PRKAR1A: variants seen among roughly 807,000 people sequenced by gnomAD.
PRKAR1A encodes protein kinase cAMP-dependent type I regulatory subunit alpha, also known as cAMP-dependent protein kinase type I-alpha regulatory subunit.
PRKAR1A carries 3 observed loss-of-function variants against 52.0 expected under a neutral mutation model. The ratio of observed to expected loss-of-function variants is 0.06; its 90% confidence interval spans 0.03 to 0.15. The LOEUF (loss-of-function observed/expected upper bound fraction) is 0.15. Ranked by LOEUF, PRKAR1A falls within the 10% of genes least tolerant of loss-of-function variation. PRKAR1A has a pLI of 1.00. For missense variants in PRKAR1A, 240 were observed against 477.4 expected, an observed-to-expected ratio of 0.50 and a Z score of 4.63; for synonymous variants, 188 against 168.4, an observed-to-expected ratio of 1.12 and a Z score of -0.90.
chr17:68,529,935 C>T lies in PRKAR1A; in HGVS notation c.907C>T (p.Leu303=). 1.9e-6 allele frequency: 3 copies of T among 1,614,032 alleles called. No homozygotes were observed. The highest frequency in any genetic ancestry group is 2.5e-6 in the Non-Finnish European group (3 of 1,179,942). ...TTTATTATAGGGGTCAGCTGCTGTG[C>T]TACAACGTCGGTCAGAAAATGAAGA... ...FIILEGSAAV[L]QRRSENEEFV... Residue 303 remains leucine (L), a synonymous_variant, in exon 10 of 11, where the codon CTA becomes TTA. Transcript: ENST00000589228.
upstream of PRKAR1A, among the ~76,000 whole-genome samples, chr17:68,507,637 CTTAAA>C (rs1006769302): frequency 5.3e-5 from 8 of 151,940 alleles, no homozygotes; most frequent in African/African-American, 9.7e-5. Flanking sequence ...GTATCCCGAA[CTTAAA>C]TTAAATTAAA....
the PRKAR1A span, among the ~76,000 whole-genome samples, chr17:68,480,808 C>T: frequency 4.6e-5 from 7 of 152,276 alleles, 1 homozygote; most frequent in South Asian, 1.4e-3. Context: ...CCTTGGCCTC[C>T]CAAAATGCTA....
the PRKAR1A span, chr17:68,450,637 T>C: frequency 1.4e-6 from 2 of 1,479,628 alleles, no homozygotes; most frequent in Non-Finnish European, 1.8e-6. Context: ...TGGAAGCTTG[T>C]TTTACAGACA....
the PRKAR1A span, among the ~76,000 whole-genome samples, chr17:68,417,600 G>A: frequency 6.6e-6 from 1 of 152,030 alleles, no homozygotes; most frequent in Admixed American, 6.6e-5. Flanking sequence ...GGTTCTTGCA[G>A]AGGTTTCTGC....
the PRKAR1A span, among the ~76,000 whole-genome samples, chr17:68,459,558 A>G: frequency 6.6e-6 from 1 of 152,206 alleles, no homozygotes; most frequent in Admixed American, 6.5e-5. Context: ...GACTAATGTG[A>G]AATTCTGGAA....
In PRKAR1A at chr17:68,532,972, A is replaced by G; in HGVS notation, c.*2523A>G. 1 of 1,065,994 alleles carries G rather than the reference A, an allele frequency of 9.4e-7. No individual in the cohort carries two copies. The highest frequency in any genetic ancestry group is 1.1e-6 in the Non-Finnish European group (1 of 879,722). The allele number at this position is 1,065,994 out of a possible 1,614,324, so 66.0% of individuals were successfully genotyped here. On this transcript the variant is annotated 3_prime_UTR_variant, in exon 11 of 11. Coordinates refer to ENST00000589228, the MANE Select transcript of PRKAR1A (RefSeq NM_002734.5). ...CTTGCTTAAAGGGTAATTGAGATGT[A>G]GCAGATTTATTTACTTAGTCATGGA... is the stretch of plus-strand genomic sequence containing the variant.
chr17:68,549,885 T>G (rs1666257428), intron 11 of PRKAR1A, among the ~76,000 whole-genome samples: 1 of 152,230 alleles, frequency 6.6e-6, no homozygotes, highest in South Asian at 2.1e-4. Flanking sequence ...TATTTACATA[T>G]TTTAGTACCC....
chr17:68,454,346 C>A, the PRKAR1A span, among the ~76,000 whole-genome samples: 1 of 152,232 alleles, frequency 6.6e-6, no homozygotes, highest in Non-Finnish European at 1.5e-5. Context: ...CTTACTATTA[C>A]AAGCCTGGAT....
At chr17:68,460,592 A>G in the PRKAR1A span, among the ~76,000 whole-genome samples, 5 of 152,228 alleles carry the variant, frequency 3.3e-5, no homozygotes, top group African/African-American at 7.2e-5. Context: ...AGCCATGTGG[A>G]AATAACATCT....
chr17:68,539,727 A>G (rs2086206113), intron 11 of PRKAR1A, among the ~76,000 whole-genome samples: 1 of 152,216 alleles, frequency 6.6e-6, no homozygotes, highest in Non-Finnish European at 1.5e-5. Flanking sequence ...GCAAAGGTAA[A>G]GAGAAAGAAG....
At chr17:68,499,033 T>G in the PRKAR1A span, among the ~76,000 whole-genome samples, 1 of 152,106 alleles carries the variant, frequency 6.6e-6, no homozygotes, top group African/African-American at 2.4e-5. Context: ...GGAACAACAA[T>G]AGTACGTACC....
downstream of PRKAR1A, chr17:68,536,215 C>T (rs771420640): frequency 2.2e-5 from 10 of 453,980 alleles, no homozygotes; most frequent in African/African-American, 1.6e-4. Flanking sequence ...ACCTTGTACT[C>T]TCTTTAGTGA....
chr17:68,428,870 A>C, the PRKAR1A span: 1 of 1,614,158 alleles, frequency 6.2e-7, no homozygotes. Context: ...CATCCTGAGG[A>C]TCCAAATTGT....
the PRKAR1A span, among the ~76,000 whole-genome samples, chr17:68,419,130 A>T: frequency 1.3e-5 from 2 of 152,014 alleles, no homozygotes; most frequent in South Asian, 4.1e-4. Flanking sequence ...ATTCGAATCC[A>T]CGTAAGACTG....
At chr17:68,461,769 C>T in the PRKAR1A span, among the ~76,000 whole-genome samples, 3 of 151,972 alleles carry the variant, frequency 2.0e-5, no homozygotes, top group Admixed American at 6.6e-5. The surrounding 1 kb of genome is among the most constrained non-coding windows in gnomAD (Gnocchi z 4.6). Context: ...GAGGGAAGGG[C>T]GATGTGTCAG....
chr17:68,550,506 G>A (rs780990755), intron 11 of PRKAR1A, among the ~76,000 whole-genome samples: 21 of 150,496 alleles, frequency 1.4e-4, no homozygotes, highest in South Asian at 1.3e-3. Flanking sequence ...TCAGCCTCTC[G>A]AGTAGCTGGG....
the PRKAR1A span, among the ~76,000 whole-genome samples, chr17:68,459,969 C>T: frequency 7.2e-5 from 11 of 151,874 alleles, no homozygotes; most frequent in East Asian, 3.9e-4. Flanking sequence ...TTCAGGCCCC[C>T]GCCACCATGC....
At chr17:68,425,871 G>A in the PRKAR1A span, 1 of 549,696 alleles carries the variant, frequency 1.8e-6, no homozygotes. Context: ...TGCCATCAGG[G>A]TTTAGCTCGA....
rs1169261587 is a variant in PRKAR1A at position 68,532,965 on chromosome 17, G to C, written c.*2516G>C. ...TCAAAATCTTGCTTAAAGGGTAATT[G>C]AGATGTAGCAGATTTATTTACTTAG... On this transcript the variant is annotated 3_prime_UTR_variant, in exon 11 of 11. Transcript: ENST00000589228. 1 of 1,065,824 alleles carries C rather than the reference G, an allele frequency of 9.4e-7. No homozygotes were observed. Among genetic ancestry groups the C allele is most frequent in the Non-Finnish European group, 1.1e-6 (1 of 879,672 alleles). The allele number at this position is 1,065,824 out of a possible 1,614,324, so 66.0% of individuals were successfully genotyped here. A position where few individuals can be genotyped will look rare whatever the true frequency, so the allele number is the denominator to read the frequency against.
Sources: allele counts gnomAD v4.1 joint callset (sites outside exome capture counted in the v4.1 genomes callset), GRCh38; gene constraint gnomAD v4.1.1; non-coding constraint Gnocchi (gnomAD v3.1); transcripts MANE v1.5; gene names NCBI Gene and HGNC (gene_info 2026-07-23, HGNC 2026-07-21).